TTC29: variants seen among roughly 807,000 people sequenced by gnomAD.
The protein encoded by TTC29 is tetratricopeptide repeat domain 29, also known as tetratricopeptide repeat protein 29.
TTC29 carries 49 observed loss-of-function variants against 58.1 expected under a neutral mutation model. The observed-to-expected ratio is 0.84, with a 90% CI of 0.67 to 1.07. TTC29 has a LOEUF of 1.07. Ranked by LOEUF, TTC29 falls within the 50% of genes least tolerant of loss-of-function variation. TTC29 has a pLI of 0.00. For missense variants in TTC29, 582 were observed against 555.6 expected (o/e 1.05, Z -0.48); for synonymous variants, 209 against 196.8 (o/e 1.06, Z -0.52).
chr4:146,818,184 T>A (rs1457423685), intron 10 of TTC29, among the ~76,000 whole-genome samples: 1 of 152,158 alleles, frequency 6.6e-6, no homozygotes, highest in Non-Finnish European at 1.5e-5. Context: ...AATCTACTCA[T>A]CTGACAAAGG....
intron 3 of TTC29, among the ~76,000 whole-genome samples, chr4:146,938,972 C>T (rs1024545808): frequency 2.0e-5 from 3 of 152,152 alleles, no homozygotes; most frequent in Non-Finnish European, 4.4e-5. Context: ...CTCTGTCCTG[C>T]ATTTCCTCAG....
intron 11 of TTC29, among the ~76,000 whole-genome samples, chr4:146,794,255 T>C (rs1325040987): frequency 6.6e-6 from 1 of 152,128 alleles, no homozygotes; most frequent in East Asian, 1.9e-4. Context: ...TAGGGAATAT[T>C]CCTGTGATCA....
chr4:146,883,777 G>C (rs10007445), intron 6 of TTC29, among the ~76,000 whole-genome samples: 46 of 151,936 alleles, frequency 3.0e-4, no homozygotes, highest in Admixed American at 7.9e-4. Context: ...CGTGCTACTC[G>C]TTAAGCAGTA....
chr4:146,820,625 G>A (rs1238867456), intron 9 of TTC29, among the ~76,000 whole-genome samples: 3 of 152,160 alleles, frequency 2.0e-5, no homozygotes, highest in African/African-American at 7.2e-5. Flanking sequence ...AAAGTTCATA[G>A]CAGCATTATT....
At chr4:146,862,731 A>G (rs1730316515) in intron 8 of TTC29, among the ~76,000 whole-genome samples, 1 of 152,142 alleles carries the variant, frequency 6.6e-6, no homozygotes, top group African/African-American at 2.4e-5. Flanking sequence ...CCAACTGCAA[A>G]GGCTACTGGA....
chr4:146,884,735 T>C (rs1307944998), intron 6 of TTC29, among the ~76,000 whole-genome samples: 1 of 152,054 alleles, frequency 6.6e-6, no homozygotes, highest in Non-Finnish European at 1.5e-5. Flanking sequence ...TACACTAGGA[T>C]TTAACACCCA....
chr4:146,943,972 T>C (rs1305761335), intron 2 of TTC29: 2 of 152,172 alleles, frequency 1.3e-5, no homozygotes, highest in African/African-American at 2.4e-5. Flanking sequence ...TCACCACTAG[T>C]TATGGCACCT....
intron 3 of TTC29, among the ~76,000 whole-genome samples, chr4:146,939,263 T>C (rs1297702283): frequency 1.8e-4 from 28 of 152,158 alleles, no homozygotes; most frequent in Admixed American, 1.8e-3. Flanking sequence ...AAGACCAGCC[T>C]GACCAACATG....
intron 11 of TTC29, among the ~76,000 whole-genome samples, chr4:146,801,848 G>T (rs1370474993): frequency 6.6e-6 from 1 of 151,406 alleles, no homozygotes; most frequent in South Asian, 2.1e-4. Context: ...CGTCATGGTT[G>T]GGTGCCTGTG....
chr4:146,789,846 G>C (rs1215112964), intron 11 of TTC29, among the ~76,000 whole-genome samples: 1 of 151,872 alleles, frequency 6.6e-6, no homozygotes, highest in Non-Finnish European at 1.5e-5. Context: ...CAGCCAAGGT[G>C]ATCTTTCTTT....
chr4:146,837,232 C>T (rs1268416644), intron 8 of TTC29, among the ~76,000 whole-genome samples: 1 of 152,046 alleles, frequency 6.6e-6, no homozygotes, highest in East Asian at 1.9e-4. Flanking sequence ...CTTTAGTAAA[C>T]TAGCACAGAA....
At chr4:146,799,165 A>G (rs373747293) in intron 11 of TTC29, among the ~76,000 whole-genome samples, 1 of 152,064 alleles carries the variant, frequency 6.6e-6, no homozygotes, top group Admixed American at 6.6e-5. Flanking sequence ...ATTCAGTCAT[A>G]TTTTTCACCA....
Position 146,820,220 on chromosome 4 carries a change from AT to A in TTC29, c.1005del (p.Lys335AsnfsTer3). The A allele has an allele frequency of 6.2e-7, 1 of 1,612,678 alleles. No homozygotes were observed. On this transcript the variant is annotated frameshift_variant, in exon 10 of 13. Coordinates refer to ENST00000325106, the MANE Select transcript of TTC29 (RefSeq NM_031956.4). LOFTEE classifies it high-confidence loss of function. ...GCAATTTTCACAAATTTTTTCAAGT[AT>A]TTAATTGCTTCTGTCATCTCTCCTT... ...QSQGEMTEAIKYLKKFVKIAR... is the reference protein window; with the variant it reads ...QSQGEMTEAIXYLKKFVKIAR...
intron 8 of TTC29, among the ~76,000 whole-genome samples, chr4:146,836,719 A>T (rs1027048175): frequency 3.3e-5 from 5 of 152,162 alleles, no homozygotes; most frequent in Non-Finnish European, 7.4e-5. Flanking sequence ...GATGACATGC[A>T]TGTTGCCAAC....
chr4:146,753,297 A>G (rs1746165196), intron 11 of TTC29, among the ~76,000 whole-genome samples: 1 of 152,212 alleles, frequency 6.6e-6, no homozygotes, highest in South Asian at 2.1e-4. Context: ...AAACACATGA[A>G]AAAATGCTCA....
At chr4:146,923,547 A>T (rs771966865) in intron 4 of TTC29, among the ~76,000 whole-genome samples, 1 of 151,890 alleles carries the variant, frequency 6.6e-6, no homozygotes, top group African/African-American at 2.4e-5. Flanking sequence ...TGTATCTATT[A>T]AAAAACCTAT....
intron 10 of TTC29, among the ~76,000 whole-genome samples, chr4:146,814,442 G>A (rs1309545897): frequency 6.6e-6 from 1 of 150,744 alleles, no homozygotes; most frequent in Non-Finnish European, 1.5e-5. Flanking sequence ...GGGGGGTGGT[G>A]GGGGGACGGG....
chr4:146,883,807 A>G (rs1219086349), intron 6 of TTC29, among the ~76,000 whole-genome samples: 2 of 152,116 alleles, frequency 1.3e-5, no homozygotes, highest in African/African-American at 4.8e-5. Flanking sequence ...AACACCCTGA[A>G]AAAGACAGGT....
chr4:146,754,656 T>C (rs1469919158), intron 11 of TTC29, among the ~76,000 whole-genome samples: 1 of 152,124 alleles, frequency 6.6e-6, no homozygotes, highest in African/African-American at 2.4e-5. Context: ...ATTAACAGAA[T>C]GAAAGATTAA....
Sources: allele counts gnomAD v4.1 joint callset (sites outside exome capture counted in the v4.1 genomes callset), GRCh38; gene constraint gnomAD v4.1.1; transcripts MANE v1.5; gene names NCBI Gene and HGNC (gene_info 2026-07-23, HGNC 2026-07-21).